Variants in DOCK1 observed in about 807,000 individuals in gnomAD.
DOCK1 encodes dedicator of cytokinesis 1, also known as dedicator of cytokinesis protein 1.
In DOCK1, 138 loss-of-function variants were observed where a neutral mutation model predicts 262.7. That is an observed-to-expected ratio of 0.53 (90% CI 0.46 to 0.61). The LOEUF is 0.61. DOCK1 is among the 20% of genes least tolerant of loss of function. The pLI is 0.00. For missense variants in DOCK1, 1,908 were observed against 2,370.7 expected (o/e 0.80, Z 4.05); for synonymous variants, 866 against 867.4 (o/e 1.00, Z 0.03).
Position 127,176,499 on chromosome 10 carries a change from C to A in DOCK1, c.2847+48735C>A. The A allele has an allele frequency of 4.1e-6, 4 of 986,264 alleles. No individual in the cohort carries two copies. Among genetic ancestry groups the A allele is most frequent in the Non-Finnish European group, 6.0e-6 (4 of 671,530 alleles). 61.1% of individuals were successfully genotyped at this position (986,264 alleles called of 1,614,324 possible). A position where few individuals can be genotyped will look rare whatever the true frequency, so the allele number is the denominator to read the frequency against. The stretch of plus-strand genomic sequence containing the variant: ...TAGCCACCACGACGACTGCCTGTTT[C>A]CTAATTATATTTAAGCAGGTGAGGT... On this transcript the variant is annotated intron_variant, in intron 27 of 51. Transcript: ENST00000623213. The surrounding 1 kb of genome is among the most constrained non-coding windows in gnomAD (Gnocchi z 4.4).
chr10:126,977,929 C>A lies in DOCK1; in HGVS notation c.131-19C>A. The A allele has an allele frequency of 6.2e-7, 1 of 1,613,738 alleles. No homozygotes were observed. The highest frequency in any genetic ancestry group is 1.3e-5 in the African/African-American group (1 of 75,044). On this transcript the variant is annotated intron_variant, in intron 2 of 51. Coordinates refer to ENST00000623213, the MANE Select transcript of DOCK1 (RefSeq NM_001290223.2). ...ACATGTCTCTTTGTACTAACTGTTT[C>A]AACTTTGTGTTTGTTTAGGGTGGTA...
At chr10:127,141,515 C>T (rs1286785668) in intron 27 of DOCK1, among the ~76,000 whole-genome samples, 1 of 152,098 alleles carries the variant, frequency 6.6e-6, no homozygotes, top group African/African-American at 2.4e-5. Flanking sequence ...CCAGTCTGGC[C>T]AACATGGTGA....
chr10:127,112,553 T>C (rs1007122708), intron 25 of DOCK1, among the ~76,000 whole-genome samples: 5 of 152,210 alleles, frequency 3.3e-5, no homozygotes, highest in Admixed American at 2.0e-4. Context: ...TTGTTTAATA[T>C]GGAATTACCA....
chr10:127,028,456 T>G (rs2043027908), intron 16 of DOCK1, among the ~76,000 whole-genome samples: 2 of 152,194 alleles, frequency 1.3e-5, no homozygotes, highest in Non-Finnish European at 2.9e-5. Context: ...ATCAGTATTA[T>G]TACTTCCCAC....
intron 1 of DOCK1, among the ~76,000 whole-genome samples, chr10:126,919,047 T>G (rs2134084274): frequency 7.1e-6 from 1 of 141,546 alleles, no homozygotes; most frequent in South Asian, 2.3e-4. Flanking sequence ...GAGCTGGCTG[T>G]GTTTCATTCT....
chr10:127,221,336 AAG>A (rs2058428762), intron 27 of DOCK1, among the ~76,000 whole-genome samples: 1 of 152,214 alleles, frequency 6.6e-6, no homozygotes, highest in South Asian at 2.1e-4. Flanking sequence ...TGAGGTAAAG[AAG>A]AGTACACAGT....
At chr10:127,044,602 C>T (rs913979416) in intron 21 of DOCK1, among the ~76,000 whole-genome samples, 3 of 152,098 alleles carry the variant, frequency 2.0e-5, no homozygotes, top group South Asian at 2.1e-4. Flanking sequence ...AAACGTAGCA[C>T]GGCCTCCACG....
At chr10:127,273,382 A>G (rs2060635018) in intron 29 of DOCK1, among the ~76,000 whole-genome samples, 1 of 152,200 alleles carries the variant, frequency 6.6e-6, no homozygotes, top group African/African-American at 2.4e-5. Context: ...GATAGGTGGC[A>G]GCTTTAGCTC....
At chr10:127,196,331 G>C (rs1165217881) in intron 27 of DOCK1, among the ~76,000 whole-genome samples, 1 of 148,778 alleles carries the variant, frequency 6.7e-6, no homozygotes, top group Admixed American at 6.7e-5. Context: ...GCGCTCGCTT[G>C]CTCGCGACGC....
At chr10:127,107,457 A>G (rs558091300) in intron 24 of DOCK1, among the ~76,000 whole-genome samples, 16 of 152,202 alleles carry the variant, frequency 1.1e-4, no homozygotes, top group Non-Finnish European at 1.8e-4. Flanking sequence ...GGAAACATTT[A>G]TTTTCTGCTC....
chr10:127,122,722 G>T (rs887729565), intron 25 of DOCK1, among the ~76,000 whole-genome samples: 1 of 150,622 alleles, frequency 6.6e-6, no homozygotes, highest in African/African-American at 2.4e-5. Context: ...AAGTTTTGTT[G>T]TTTCTCATCA....
intron 23 of DOCK1, among the ~76,000 whole-genome samples, chr10:127,079,999 G>T (rs549142027): frequency 7.2e-5 from 11 of 152,086 alleles, no homozygotes; most frequent in African/African-American, 2.4e-4. Context: ...ATTCAGTGGA[G>T]CAAGGTCTCA....
chr10:127,176,018 G>T lies in DOCK1; in HGVS notation c.2847+48254G>T, dbSNP rs367902185. The T allele has an allele frequency of 5.5e-5, 88 of 1,614,024 alleles. No individual in the cohort carries two copies. Among genetic ancestry groups the T allele is most frequent in the Non-Finnish European group, 7.1e-5 (84 of 1,180,048 alleles). ...GATCTGCAGCTGGGAGGCTTTTGAG[G>T]TTCCCCTTTTTGCGGTCCAGAGGGA... On this transcript the variant is annotated intron_variant, in intron 27 of 51. Coordinates refer to ENST00000623213, the MANE Select transcript of DOCK1 (RefSeq NM_001290223.2). The surrounding 1 kb of genome is among the most constrained non-coding windows in gnomAD (Gnocchi z 4.4).
At chr10:127,212,169 A>G (rs2058010230) in intron 27 of DOCK1, among the ~76,000 whole-genome samples, 1 of 152,070 alleles carries the variant, frequency 6.6e-6, no homozygotes, top group African/African-American at 2.4e-5. Context: ...ATTTAACCCC[A>G]GTTCACTGAT....
At chr10:126,978,743 G>A (rs1020478865) in intron 3 of DOCK1, among the ~76,000 whole-genome samples, 30 of 152,104 alleles carry the variant, frequency 2.0e-4, no homozygotes, top group African/African-American at 7.0e-4. Flanking sequence ...TTTGACGGAT[G>A]GTTCATTTTA....
chr10:127,346,314 C>T (rs2135782325), intron 31 of DOCK1, among the ~76,000 whole-genome samples: 1 of 152,320 alleles, frequency 6.6e-6, no homozygotes, highest in African/African-American at 2.4e-5. Flanking sequence ...CATGCACTAA[C>T]AGCGGTGCGG....
At chr10:126,941,543 T>C (rs1342437217) in intron 1 of DOCK1, among the ~76,000 whole-genome samples, 1 of 152,022 alleles carries the variant, frequency 6.6e-6, no homozygotes, top group East Asian at 1.9e-4. Context: ...GATCACGAGG[T>C]CAGGAGATCG....
In DOCK1 at chr10:127,103,508, G is replaced by A. The variant is rs139419125; in HGVS notation, c.2446-2723G>A. 5.3e-5 allele frequency among the ~76,000 whole-genome samples: 8 copies of A among 152,226 alleles called. No homozygotes were observed. The East Asian group carries it at 9.7e-4, about 18-fold the overall frequency. ...GCATTGCTGATTCCTTTCCTCTGTC[G>A]GGGGTTTTCAAACCAGTTGGCAGCA... On this transcript the variant is annotated intron_variant, in intron 23 of 51. Transcript: ENST00000623213.
Position 127,339,100 on chromosome 10 carries a change from G to T in DOCK1, c.3123+16G>T. 1 of 1,558,010 alleles carries T rather than the reference G, an allele frequency of 6.4e-7. No homozygotes were observed. Among genetic ancestry groups the T allele is most frequent in the South Asian group, 1.2e-5 (1 of 84,540 alleles). ...TGAGCTACAGGTAAGAGAAGAGGTA[G>T]ACACGACCTTTGTGGAGAAATCATG... On this transcript the variant is annotated intron_variant, in intron 30 of 51. Coordinates refer to ENST00000623213, the MANE Select transcript of DOCK1 (RefSeq NM_001290223.2).
Sources: gnomAD v4.1 joint callset for allele counts (sites outside exome capture counted in the v4.1 genomes callset) on GRCh38, gnomAD v4.1.1 for gene constraint, Gnocchi (gnomAD v3.1) non-coding constraint, MANE v1.5 for transcripts, NCBI Gene and HGNC (gene_info 2026-07-23, HGNC 2026-07-21) for gene names.